The following TMPRSS15 variants were observed in gnomAD, a reference collection of about 807,000 sequenced individuals.
The protein encoded by TMPRSS15 is enteropeptidase.
In TMPRSS15, 128 loss-of-function variants were observed where a neutral mutation model predicts 125.3. The observed-to-expected ratio is 1.02, with a 90% CI of 0.89 to 1.18. The LOEUF (loss-of-function observed/expected upper bound fraction) is 1.18, where lower values mean the gene tolerates loss of function less well. TMPRSS15 is among the 50% of genes most tolerant of loss of function. The probability of loss-of-function intolerance (pLI) is 0.00; values close to 1 mark genes in which losing one functional copy is unlikely to be tolerated. For missense variants in TMPRSS15, 1,283 were observed against 1,212.7 expected, an observed-to-expected ratio of 1.06 and a Z score of -0.86; for synonymous variants, 446 against 423.2, an observed-to-expected ratio of 1.05 and a Z score of -0.66.
intron 8 of TMPRSS15, among the ~76,000 whole-genome samples, chr21:18,355,545 G>A (rs1024507313): frequency 6.6e-6 from 1 of 151,754 alleles, no homozygotes; most frequent in Non-Finnish European, 1.5e-5. Flanking sequence ...TACAGATCTA[G>A]TGAAAGCCAT....
At chr21:18,440,262 A>G (rs942430682) in intron 1 of TMPRSS15, among the ~76,000 whole-genome samples, 1 of 149,416 alleles carries the variant, frequency 6.7e-6, no homozygotes, top group African/African-American at 2.5e-5. Context: ...AGTCCCAGCT[A>G]CACGGGAGGC....
At chr21:18,289,233 C>A (rs965749133) in intron 21 of TMPRSS15, among the ~76,000 whole-genome samples, 1 of 152,092 alleles carries the variant, frequency 6.6e-6, no homozygotes, top group South Asian at 2.1e-4. Flanking sequence ...TATAAATAGG[C>A]CGGGCACAGT....
At chr21:18,340,006 T>A (rs926870165) in intron 13 of TMPRSS15, among the ~76,000 whole-genome samples, 2 of 152,210 alleles carry the variant, frequency 1.3e-5, no homozygotes, top group African/African-American at 4.8e-5. Flanking sequence ...CATGAGTGGA[T>A]CCATGAAAGA....
intron 5 of TMPRSS15, among the ~76,000 whole-genome samples, chr21:18,373,371 C>T (rs1258983022): frequency 6.6e-6 from 1 of 152,008 alleles, no homozygotes; most frequent in Non-Finnish European, 1.5e-5. Context: ...GAACGCCCAA[C>T]ATCTAAAATT....
intron 3 of TMPRSS15, among the ~76,000 whole-genome samples, chr21:18,395,064 C>G (rs952280715): frequency 2.0e-5 from 3 of 152,120 alleles, no homozygotes; most frequent in African/African-American, 7.2e-5. Flanking sequence ...TTAACCTACA[C>G]AACTTTAAAA....
chr21:18,282,252 TG>T (rs2074710507), intron 21 of TMPRSS15, among the ~76,000 whole-genome samples: 1 of 152,058 alleles, frequency 6.6e-6, no homozygotes, highest in African/African-American at 2.4e-5. Flanking sequence ...CAGATTAAAT[TG>T]GGTAGTATAT....
chr21:18,292,488 A>G (rs1234728602), intron 21 of TMPRSS15, among the ~76,000 whole-genome samples: 1 of 152,192 alleles, frequency 6.6e-6, no homozygotes, highest in Non-Finnish European at 1.5e-5. Context: ...TTTTCTACAC[A>G]TATTTGTTGT....
chr21:18,316,465 C>T (rs2075168006), intron 16 of TMPRSS15, among the ~76,000 whole-genome samples: 1 of 152,050 alleles, frequency 6.6e-6, no homozygotes, highest in Non-Finnish European at 1.5e-5. Flanking sequence ...AAACAGAAGG[C>T]TCAATTAAAG....
At chr21:18,379,255 A>AAAT (rs1472432808) in intron 5 of TMPRSS15, 28 bp downstream of exon 5, 3 of 1,208,580 alleles carry the variant, frequency 2.5e-6, no homozygotes, top group Non-Finnish European at 3.3e-6. Flanking sequence ...TTCTTTCAAA[A>AAAT]AATAATAATA....
At chr21:18,427,739 C>T (rs905854816) in intron 1 of TMPRSS15, among the ~76,000 whole-genome samples, 1 of 152,118 alleles carries the variant, frequency 6.6e-6, no homozygotes, top group African/African-American at 2.4e-5. Flanking sequence ...AAAAAAACAC[C>T]TCAGTGTTTC....
intron 13 of TMPRSS15, among the ~76,000 whole-genome samples, chr21:18,337,110 T>C (rs538694021): frequency 6.6e-6 from 1 of 152,222 alleles, no homozygotes; most frequent in Non-Finnish European, 1.5e-5. Flanking sequence ...GCGAGGCTGG[T>C]CTTGAATTAT....
chr21:18,396,388 G>A (rs1024513874), intron 3 of TMPRSS15, among the ~76,000 whole-genome samples: 8 of 152,014 alleles, frequency 5.3e-5, no homozygotes, highest in African/African-American at 1.9e-4. Context: ...TGTGATTTGA[G>A]GCAAGTTATT....
chr21:18,476,516 T>C (rs1216060298), intron 1 of TMPRSS15, among the ~76,000 whole-genome samples: 1 of 152,160 alleles, frequency 6.6e-6, no homozygotes, highest in Non-Finnish European at 1.5e-5. Context: ...TGAAAACATT[T>C]TTGTGCTTGA....
intron 8 of TMPRSS15, among the ~76,000 whole-genome samples, chr21:18,356,584 G>A (rs1220137232): frequency 6.6e-6 from 1 of 151,710 alleles, no homozygotes; most frequent in African/African-American, 2.4e-5. Flanking sequence ...TATGATTGGC[G>A]AATCTTTGAG....
At chr21:18,416,762 T>C (rs1270023133) in intron 1 of TMPRSS15, among the ~76,000 whole-genome samples, 1 of 152,114 alleles carries the variant, frequency 6.6e-6, no homozygotes, top group African/African-American at 2.4e-5. Flanking sequence ...TCTTTTGCTA[T>C]TGGACATGAT....
chr21:18,475,097 G>T lies in TMPRSS15; in HGVS notation c.10+10702C>A, dbSNP rs188787210. On this transcript the variant is annotated intron_variant, in intron 1 of 7. Coordinates refer to the TMPRSS15 transcript ENST00000422787. ...AGCTGGGACCTAAGCCCATTGTTTT[G>T]TTTTTTTCCAATAGAGGCTGTAAAT... 4.6e-4 allele frequency among the ~76,000 whole-genome samples: 70 copies of T among 152,104 alleles called. No homozygotes were observed. The East Asian group carries it at 0.012, about 27-fold the overall frequency.
At chr21:18,370,299 A>C (rs544595845) in intron 6 of TMPRSS15, among the ~76,000 whole-genome samples, 2 of 152,252 alleles carry the variant, frequency 1.3e-5, no homozygotes, top group African/African-American at 4.8e-5. Flanking sequence ...TCATCATGAA[A>C]ATTATGAACT....
rs1027099105 is a variant in TMPRSS15 at position 18,313,016 on chromosome 21, T to C, written c.2094A>G (p.Ile698Met). The change falls in exon 18 of 25, where the codon ATA (isoleucine) becomes ATG (methionine). Residue 698 changes from isoleucine (I) to methionine (M), a missense_variant. By Grantham distance (10) the Ile-to-Met change is conservative. Coordinates refer to ENST00000284885, the MANE Select transcript of TMPRSS15 (RefSeq NM_002772.3). ...AGTTCTCAGCACAAGCTGTATGCCA[T>C]ATGCTCTGGATTCTGAACCGCACTA... ...NGLVRFRIQSIWHTACAENWT... is the reference protein window; with the variant it reads ...NGLVRFRIQSMWHTACAENWT... 1.2e-6 allele frequency: 2 copies of C among 1,614,008 alleles called. No individual in the cohort carries two copies. Among genetic ancestry groups the C allele is most frequent in the Non-Finnish European group, 1.7e-6 (2 of 1,180,000 alleles).
intron 6 of TMPRSS15, among the ~76,000 whole-genome samples, chr21:18,371,253 A>G (rs756642358): frequency 7.2e-5 from 11 of 152,200 alleles, no homozygotes; most frequent in Non-Finnish European, 1.0e-4. Flanking sequence ...GTGCAATTTT[A>G]TACTTATACA....
Sources: allele counts gnomAD v4.1 joint callset (sites outside exome capture counted in the v4.1 genomes callset), GRCh38; gene constraint gnomAD v4.1.1; transcripts MANE v1.5; gene names NCBI Gene and HGNC (gene_info 2026-07-23, HGNC 2026-07-21).